Variants in MKLN1 observed in about 807,000 individuals in gnomAD.
The protein encoded by MKLN1 is muskelin 1.
MKLN1 carries 18 observed loss-of-function variants against 99.0 expected under a neutral mutation model. That is an observed-to-expected ratio of 0.18 (90% CI 0.13 to 0.27). The LOEUF is 0.27. MKLN1 is among the 10% of genes least tolerant of loss of function. MKLN1 has a pLI of 1.00. For missense variants in MKLN1, 621 were observed against 875.9 expected (o/e 0.71, Z 3.67); for synonymous variants, 288 against 293.2 (o/e 0.98, Z 0.18).
intron 9 of MKLN1, among the ~76,000 whole-genome samples, chr7:131,430,785 C>G (rs1014111843): frequency 6.6e-6 from 1 of 152,104 alleles, no homozygotes; most frequent in Non-Finnish European, 1.5e-5. Context: ...TATTTGGGCT[C>G]GGTGTGGTGG....
At chr7:131,381,565 A>G (rs1490799886) in intron 2 of MKLN1, among the ~76,000 whole-genome samples, 1 of 152,246 alleles carries the variant, frequency 6.6e-6, no homozygotes, top group Non-Finnish European at 1.5e-5. Flanking sequence ...AGATAAAAGC[A>G]TAAGAAATCT....
intron 3 of MKLN1, among the ~76,000 whole-genome samples, chr7:131,260,048 ATTTT>A (rs61413385): frequency 6.6e-6 from 1 of 150,634 alleles, no homozygotes; most frequent in Non-Finnish European, 1.5e-5. Flanking sequence ...AATCAGCAGC[ATTTT>A]TTTTTTTTTA....
intron 1 of MKLN1, among the ~76,000 whole-genome samples, chr7:131,371,411 C>G (rs1391853259): frequency 1.3e-5 from 2 of 152,146 alleles, no homozygotes; most frequent in African/African-American, 4.8e-5. Flanking sequence ...TTTTCTTCTG[C>G]TCTATTTCAT....
At chr7:131,434,092 G>C (rs1378410376) in intron 9 of MKLN1, among the ~76,000 whole-genome samples, 1 of 152,000 alleles carries the variant, frequency 6.6e-6, no homozygotes, top group African/African-American at 2.4e-5. Flanking sequence ...CACCATGTTG[G>C]CCAGGCTGGT....
intron 17 of MKLN1, among the ~76,000 whole-genome samples, chr7:131,479,820 C>T (rs2116680937): frequency 6.7e-6 from 1 of 149,108 alleles, no homozygotes; most frequent in East Asian, 2.0e-4. Context: ...GAGTGAGACT[C>T]CGTCTCAAAA....
intron 3 of MKLN1, among the ~76,000 whole-genome samples, chr7:131,272,553 A>G (rs938704294): frequency 2.6e-5 from 4 of 152,140 alleles, no homozygotes; most frequent in African/African-American, 9.7e-5. Flanking sequence ...TATGAAGAGG[A>G]GAGAGGCATG....
At chr7:131,298,586 C>T (rs1798329337) in intron 3 of MKLN1, among the ~76,000 whole-genome samples, 1 of 152,048 alleles carries the variant, frequency 6.6e-6, no homozygotes, top group South Asian at 2.1e-4. Flanking sequence ...AAAACAAGGC[C>T]TTCCCTCTTT....
chr7:131,214,391 A>G (rs1408037429), intron 3 of MKLN1, among the ~76,000 whole-genome samples: 1 of 152,214 alleles, frequency 6.6e-6, no homozygotes, highest in Non-Finnish European at 1.5e-5. Flanking sequence ...CTCATACTGA[A>G]AAAAGTACAT....
chr7:131,201,899 A>G (rs1563250742), intron 2 of MKLN1, among the ~76,000 whole-genome samples: 4 of 152,220 alleles, frequency 2.6e-5, no homozygotes, highest in Admixed American at 2.6e-4. Flanking sequence ...ACTCTAAATT[A>G]TCATTCATTT....
At position 131,203,345 on chromosome 7, in the gene MKLN1, T is replaced by A. The variant is rs117941324; in HGVS notation, c.-179+371T>A. On this transcript the variant is annotated intron_variant, in intron 3 of 7. Transcript: ENST00000416992. ...AGAACATCTAAAAGGCCCTTCATGA[T>A]CTAAGTAATTCTGGTTTACTTAGAT... Among the ~76,000 whole-genome samples the A allele has an allele frequency of 4.5e-3, 681 of 152,328 alleles. 1 individual carries two copies. Among genetic ancestry groups the A allele is most frequent in the Non-Finnish European group, 7.9e-3 (539 of 68,038 alleles).
chr7:131,239,740 AG>A (rs1250152898), intron 3 of MKLN1, among the ~76,000 whole-genome samples: 1 of 152,192 alleles, frequency 6.6e-6, no homozygotes, highest in Non-Finnish European at 1.5e-5. Context: ...CTGTAATTCC[AG>A]CACTTTGGGA....
intron 1 of MKLN1, among the ~76,000 whole-genome samples, chr7:131,332,068 A>G (rs1799093022): frequency 6.6e-6 from 1 of 152,136 alleles, no homozygotes; most frequent in East Asian, 1.9e-4. Context: ...TACAAGTGTT[A>G]TGATTTGACA....
At chr7:131,251,626 G>T (rs1163352591) in intron 3 of MKLN1, among the ~76,000 whole-genome samples, 1 of 151,880 alleles carries the variant, frequency 6.6e-6, no homozygotes, top group Non-Finnish European at 1.5e-5. Context: ...TCCAAAGTTA[G>T]TTGGGCATAA....
intron 1 of MKLN1, among the ~76,000 whole-genome samples, chr7:131,349,264 C>T (rs1219393331): frequency 4.6e-5 from 7 of 151,080 alleles, no homozygotes; most frequent in African/African-American, 7.3e-5. Context: ...GGCACGATCT[C>T]GGCTCACTGC....
intron 1 of MKLN1, among the ~76,000 whole-genome samples, chr7:131,364,369 G>A (rs1018305446): frequency 1.4e-4 from 21 of 151,942 alleles, no homozygotes; most frequent in African/African-American, 4.3e-4. Context: ...GATATTTCTC[G>A]AATATTGGGA....
intron 9 of MKLN1, 21 bp from the exon 10 acceptor site, chr7:131,437,764 A>G (rs764844313): frequency 6.5e-7 from 1 of 1,533,370 alleles, no homozygotes; most frequent in South Asian, 1.2e-5. Context: ...TTATTTATTT[A>G]TTTTCTCTCT....
chr7:131,394,069 A>G lies in MKLN1; in HGVS notation c.401-3198A>G, dbSNP rs78303878. On this transcript the variant is annotated intron_variant, in intron 4 of 17. Coordinates refer to ENST00000352689, the MANE Select transcript of MKLN1 (RefSeq NM_013255.5). ...CTTATACTACTAGATGGTTATTGCT[A>G]TGTGATTTAGTAGATAAACTTTTAA... 6.2e-3 allele frequency among the ~76,000 whole-genome samples: 932 copies of G among 151,152 alleles called. 8 individuals carry two copies. Among genetic ancestry groups the G allele is most frequent in the Non-Finnish European group, 0.011 (731 of 67,982 alleles).
At chr7:131,158,417 GAGTGAAACTCCATCTCAA>G (rs1795999573) in intron 2 of MKLN1, among the ~76,000 whole-genome samples, 1 of 152,120 alleles carries the variant, frequency 6.6e-6, no homozygotes, top group Admixed American at 6.5e-5. Flanking sequence ...CTGGGCTACA[GAGTGAAACTCCATCTCAA>G]ACAAACAAAC....
intron 2 of MKLN1, among the ~76,000 whole-genome samples, chr7:131,147,253 G>T (rs1795828598): frequency 6.7e-6 from 1 of 148,690 alleles, no homozygotes; most frequent in Non-Finnish European, 1.5e-5. Flanking sequence ...GTAGAGACAG[G>T]GTTTCACCAT....
Sources: allele counts gnomAD v4.1 joint callset (sites outside exome capture counted in the v4.1 genomes callset), GRCh38; gene constraint gnomAD v4.1.1; transcripts MANE v1.5; gene names NCBI Gene and HGNC (gene_info 2026-07-23, HGNC 2026-07-21).